Variants in AGO3 observed in about 807,000 individuals in gnomAD.
The protein encoded by AGO3 is protein argonaute-3.
AGO3 carries 16 observed loss-of-function variants against 105.5 expected under a neutral mutation model. The observed-to-expected ratio is 0.15, with a 90% confidence interval of 0.10 to 0.23. AGO3 has a LOEUF of 0.23. AGO3 is among the 10% of genes least tolerant of loss of function. The pLI, the probability that AGO3 is intolerant of heterozygous loss-of-function variation, is 1.00. For synonymous variants in AGO3, 340 were observed against 367.3 expected, an observed-to-expected ratio of 0.93 and a Z score of 0.85; for missense variants, 534 against 1,088.0, an observed-to-expected ratio of 0.49 and a Z score of 7.16.
At chr1:35,931,929 A>G (rs1037756073) in intron 1 of AGO3, among the ~76,000 whole-genome samples, 4 of 152,072 alleles carry the variant, frequency 2.6e-5, no homozygotes, top group African/African-American at 9.7e-5. Context: ...CATTGCTCCT[A>G]CCCTCGAGTT....
In AGO3 at chr1:35,942,116, G is replaced by A. The variant is rs537178386; in HGVS notation, c.20-3576G>A. 1.9e-4 allele frequency among the ~76,000 whole-genome samples: 29 copies of A among 152,248 alleles called. No individual in the cohort carries two copies. The South Asian group carries it at 5.8e-3, about 30-fold the overall frequency. ...TATTACTTATCTCAGGCTAGGATAG[G>A]AAAGATTATGCCCTCTGAAGAGATT... On this transcript the variant is annotated intron_variant, in intron 1 of 18. Coordinates refer to ENST00000373191, the MANE Select transcript of AGO3 (RefSeq NM_024852.4).
Position 36,060,175 on chromosome 1 carries a change from C to T in AGO3, c.*4430C>T, listed in dbSNP as rs909378356. 6.6e-6 allele frequency: 1 copy of T among 152,244 alleles called. No homozygotes were observed. The highest frequency in any genetic ancestry group is 1.5e-5 in the Non-Finnish European group (1 of 68,062). 9.4% of individuals were successfully genotyped at this position (152,244 alleles called of 1,614,324 possible). A position where few individuals can be genotyped will look rare whatever the true frequency, so the allele number is the denominator to read the frequency against. On this transcript the variant is annotated 3_prime_UTR_variant, in exon 19 of 19. Transcript: ENST00000373191. ...TTCCAGCACAGGGATTCTCAGCCTT[C>T]TAAAGATCTAGACCAGTTTCCAAGC...
At chr1:36,038,535 G>A (rs371270399) in intron 14 of AGO3, among the ~76,000 whole-genome samples, 7 of 152,162 alleles carry the variant, frequency 4.6e-5, no homozygotes, top group African/African-American at 1.2e-4. Context: ...GATTACAGGC[G>A]TGAGCTACCG....
At chr1:36,013,894 T>A in intron 10 of AGO3, 21 bp from the exon 11 acceptor site, 3 of 1,602,040 alleles carry the variant, frequency 1.9e-6, no homozygotes, top group Non-Finnish European at 8.5e-7. Flanking sequence ...TTCACCATGT[T>A]ATTTTTTTCT....
intron 2 of AGO3, among the ~76,000 whole-genome samples, chr1:35,947,670 G>GT (rs1176641818): frequency 3.9e-5 from 6 of 152,180 alleles, no homozygotes; most frequent in Admixed American, 2.6e-4. Context: ...CTGAACATGG[G>GT]TTTTTCAGTG....
chr1:36,024,306 T>C (rs1236482421), intron 11 of AGO3, among the ~76,000 whole-genome samples: 1 of 151,966 alleles, frequency 6.6e-6, no homozygotes, highest in East Asian at 1.9e-4. Flanking sequence ...GCCCAGCTAA[T>C]TTTGTTTTTT....
intron 12 of AGO3, among the ~76,000 whole-genome samples, chr1:36,031,612 C>A (rs1641779191): frequency 6.6e-6 from 1 of 152,096 alleles, no homozygotes; most frequent in African/African-American, 2.4e-5. Context: ...GTGCAGCCAT[C>A]ATCACTATCC....
intron 17 of AGO3, among the ~76,000 whole-genome samples, chr1:36,045,148 A>AT (rs1414575449): frequency 6.6e-6 from 1 of 152,190 alleles, no homozygotes; most frequent in African/African-American, 2.4e-5. Context: ...AGAGGAAGTG[A>AT]TGTCAGCAAG....
intron 16 of AGO3, 98 bp downstream of exon 16, chr1:36,040,539 C>A (rs1642199887): frequency 3.0e-6 from 4 of 1,333,886 alleles, no homozygotes; most frequent in Non-Finnish European, 4.2e-6. Context: ...GCAGGATTTC[C>A]AATATATAGT....
chr1:35,946,663 A>G (rs554582377), intron 2 of AGO3, among the ~76,000 whole-genome samples: 1 of 152,326 alleles, frequency 6.6e-6, no homozygotes, highest in East Asian at 1.9e-4. Context: ...TTGGTAGAGG[A>G]AATAAGACAT....
chr1:35,976,273 G>A (rs968646639), intron 5 of AGO3, among the ~76,000 whole-genome samples: 3 of 151,898 alleles, frequency 2.0e-5, no homozygotes, highest in African/African-American at 7.3e-5. Flanking sequence ...CCTTTTTGTT[G>A]CTATTAAATG....
At chr1:35,965,820 CTTTTTTT>C (rs925988577) in intron 2 of AGO3, among the ~76,000 whole-genome samples, 44 of 120,168 alleles carry the variant, frequency 3.7e-4, no homozygotes, top group Admixed American at 5.1e-4. Flanking sequence ...TTGAATCTCT[CTTTTTTT>C]TTTTTTTTTT....
chr1:35,973,923 G>A (rs1646912232), intron 5 of AGO3, among the ~76,000 whole-genome samples: 1 of 152,086 alleles, frequency 6.6e-6, no homozygotes, highest in Non-Finnish European at 1.5e-5. Context: ...TTGTTTTTAG[G>A]TGTTTTCTTA....
intron 2 of AGO3, among the ~76,000 whole-genome samples, chr1:35,958,478 T>C (rs1571431799): frequency 6.6e-6 from 1 of 151,930 alleles, no homozygotes; most frequent in South Asian, 2.1e-4. Flanking sequence ...CTGGGCAACA[T>C]GATGAAACTC....
At position 36,036,193 on chromosome 1, in the gene AGO3, C is replaced by A; in HGVS notation, c.1768C>A (p.Gln590Lys). The A allele has an allele frequency of 6.2e-7, 1 of 1,614,112 alleles. No individual in the cohort carries two copies. The highest frequency in any genetic ancestry group is 8.5e-7 in the Non-Finnish European group (1 of 1,179,974). Residue 590 changes from glutamine to lysine, a missense_variant, in exon 14 of 19, where the codon CAA becomes AAA. Around this residue, in one of 2 missense-constraint regions of AGO3, gnomAD observed 373 missense variants for 854.0 expected, o/e 0.44. Transcript: ENST00000373191. ...GTGTTTAAGACCTTCTGTGTTCCAG[C>A]AACCAGTGATCTTTTTGGGAGCCGA... Reference protein sequence around the residue: ...VPHQRPSVFQQPVIFLGADVT... With the variant: ...VPHQRPSVFQKPVIFLGADVT...
intron 13 of AGO3, 87 bp from the exon 14 acceptor site, chr1:36,036,090 A>G: frequency 7.7e-7 from 1 of 1,304,272 alleles, no homozygotes; most frequent in Non-Finnish European, 1.1e-6. Flanking sequence ...GCTGTCAATA[A>G]CTTGAAGTTA....
At chr1:36,004,804 A>G (rs993827857) in intron 6 of AGO3, among the ~76,000 whole-genome samples, 1 of 152,136 alleles carries the variant, frequency 6.6e-6, no homozygotes, top group African/African-American at 2.4e-5. Flanking sequence ...AATATTTGTT[A>G]TATTTTATAA....
In AGO3 at chr1:36,071,628, G is replaced by A. The variant is rs1182856451; in HGVS notation, c.*15883G>A. On this transcript the variant is annotated 3_prime_UTR_variant, in exon 19 of 19. Coordinates refer to ENST00000373191, the MANE Select transcript of AGO3 (RefSeq NM_024852.4). The stretch of plus-strand genomic sequence containing the variant: ...TCTTATGCCTGGCCTGGCCTTTTTT[G>A]TTGTTGTTGGCTTTTCATAAGTAAG... 1 of 152,054 alleles carries A rather than the reference G, an allele frequency of 6.6e-6. No individual in the cohort carries two copies. Among genetic ancestry groups the A allele is most frequent in the Non-Finnish European group, 1.5e-5 (1 of 68,008 alleles). 9.4% of individuals were successfully genotyped at this position (152,054 alleles called of 1,614,324 possible).
intron 1 of AGO3, among the ~76,000 whole-genome samples, chr1:35,936,708 C>T (rs1292884729): frequency 2.2e-4 from 33 of 152,170 alleles, no homozygotes; most frequent in Non-Finnish European, 4.4e-5. Flanking sequence ...GTGGTATCTA[C>T]AGTCTATTGA....
Sources: gnomAD v4.1 joint callset for allele counts (sites outside exome capture counted in the v4.1 genomes callset) on GRCh38, gnomAD v4.1.1 for gene constraint, gnomAD v4.1.1 regional missense constraint, MANE v1.5 for transcripts, NCBI Gene and HGNC (gene_info 2026-07-23, HGNC 2026-07-21) for gene names.